PCDHA3: variants seen among roughly 807,000 people sequenced by gnomAD.
The protein encoded by PCDHA3 is protocadherin alpha 3.
Under a neutral mutation model 62.2 loss-of-function variants are expected in PCDHA3, and 41 were observed. The observed-to-expected ratio is 0.66, with a 90% CI of 0.51 to 0.86. PCDHA3 has a LOEUF of 0.86. Ranked by LOEUF, PCDHA3 falls within the 40% of genes least tolerant of loss-of-function variation. The probability of loss-of-function intolerance (pLI) is 0.00; values close to 1 mark genes in which losing one functional copy is unlikely to be tolerated. For missense variants in PCDHA3, 1,304 were observed against 1,241.2 expected, an observed-to-expected ratio of 1.05 and a Z score of -0.76; for synonymous variants, 640 against 555.4, an observed-to-expected ratio of 1.15 and a Z score of -2.14.
intron 1 of PCDHA3, among the ~76,000 whole-genome samples, chr5:140,973,030 C>G (rs1274875201): frequency 1.3e-5 from 2 of 152,014 alleles, no homozygotes; most frequent in African/African-American, 4.8e-5. Context: ...TAATGAGTCA[C>G]TTTGAGTACT....
chr5:140,841,952 T>C (rs1323540473), intron 1 of PCDHA3: 1 of 1,613,914 alleles, frequency 6.2e-7, no homozygotes, highest in African/African-American at 1.3e-5. Flanking sequence ...GCACCACTTA[T>C]TCCTGACAGC....
chr5:140,838,325 T>C (rs1554137025), intron 1 of PCDHA3, among the ~76,000 whole-genome samples: 1 of 149,366 alleles, frequency 6.7e-6, no homozygotes, highest in Non-Finnish European at 1.5e-5. Flanking sequence ...AGTTTCACCA[T>C]GTTGCCCCGG....
chr5:140,997,077 G>T (rs1201538953), intron 3 of PCDHA3, among the ~76,000 whole-genome samples: 3 of 152,062 alleles, frequency 2.0e-5, no homozygotes, highest in Admixed American at 2.0e-4. Flanking sequence ...CAGGAAAGTT[G>T]AGTAGAAAGT....
intron 1 of PCDHA3, chr5:140,842,268 A>C: frequency 6.2e-7 from 1 of 1,610,534 alleles, no homozygotes; most frequent in South Asian, 1.1e-5. Context: ...GAAAACTTAT[A>C]CAAAATCCTC....
chr5:140,907,789 G>A (rs187759241), intron 1 of PCDHA3, among the ~76,000 whole-genome samples: 1 of 152,330 alleles, frequency 6.6e-6, no homozygotes, highest in Non-Finnish European at 1.5e-5. Flanking sequence ...GCTGGGGAAA[G>A]AGGCTAAGTG....
intron 1 of PCDHA3, chr5:140,835,488 A>C (rs2150236741): frequency 2.5e-6 from 4 of 1,613,940 alleles, no homozygotes; most frequent in Non-Finnish European, 3.4e-6. Flanking sequence ...AGGTACCGTC[A>C]TCACATTGAT....
At chr5:140,853,598 C>T (rs889899754) in intron 1 of PCDHA3, 2 of 986,878 alleles carry the variant, frequency 2.0e-6, no homozygotes, top group Non-Finnish European at 2.4e-6. Context: ...ACTTTGAGAG[C>T]AAAGGGGGTG....
intron 1 of PCDHA3, among the ~76,000 whole-genome samples, chr5:140,924,894 C>CAAAA (rs782133089): frequency 2.8e-5 from 2 of 71,514 alleles, no homozygotes; most frequent in Non-Finnish European, 3.2e-5. Flanking sequence ...GAACCTGTCT[C>CAAAA]AAAAAAAAAA....
chr5:140,808,462 G>T, intron 1 of PCDHA3: 1 of 1,614,200 alleles, frequency 6.2e-7, no homozygotes, highest in Non-Finnish European at 8.5e-7. Flanking sequence ...AGCTGGTGGT[G>T]ACCGCGCGAG....
chr5:140,823,856 A>T (rs2150129762), intron 1 of PCDHA3: 3 of 1,613,758 alleles, frequency 1.9e-6, no homozygotes, highest in South Asian at 2.2e-5. Context: ...GCCCTGGTGG[A>T]TGTCAACGTG....
At chr5:140,809,122 C>G in intron 1 of PCDHA3, 1 of 1,613,994 alleles carries the variant, frequency 6.2e-7, no homozygotes, top group South Asian at 1.1e-5. Flanking sequence ...CTCCGCGCCA[C>G]CGCCTACTGG....
At position 140,848,447 on chromosome 5, in the gene PCDHA3, CT is replaced by C; in HGVS notation, c.2394+44857del. On this transcript the variant is annotated intron_variant, in intron 1 of 3. Transcript: ENST00000522353. ...GACTGACGAAATCAGATGATTTCTT[CT>C]AATTTGGAGGCAATTTTCACTAATT... The C allele has an allele frequency of 2.7e-6, 4 of 1,507,352 alleles. 1 individual carries two copies. The highest frequency in any genetic ancestry group is 9.0e-7 in the Non-Finnish European group (1 of 1,107,456). 93.4% of individuals were successfully genotyped at this position (1,507,352 alleles called of 1,614,324 possible).
At position 140,802,523 on chromosome 5, in the gene PCDHA3, C is replaced by T. The variant is rs782486389; in HGVS notation, c.1326C>T (p.Ser442=). 9 of 1,614,050 alleles carry T rather than the reference C, an allele frequency of 5.6e-6. No individual in the cohort carries two copies. The highest frequency in any genetic ancestry group is 5.3e-5 in the African/African-American group (4 of 74,950). The part of the protein sequence containing the change: ...SPSLWATASV[S]VEVADVNDNA... ...CACTGTGGGCCACGGCCAGCGTGTC[C>T]GTGGAGGTGGCCGACGTGAACGACA... Residue 442 remains serine, a synonymous_variant, in exon 1 of 4, where the codon TCC becomes TCT. Transcript: ENST00000522353.
chr5:140,938,245 C>T (rs1008412260), intron 1 of PCDHA3, among the ~76,000 whole-genome samples: 1 of 152,168 alleles, frequency 6.6e-6, no homozygotes, highest in South Asian at 2.1e-4. Context: ...CATGCCTGGT[C>T]TTTTAAAAAC....
intron 1 of PCDHA3, among the ~76,000 whole-genome samples, chr5:140,818,835 TG>T (rs1766447116): frequency 6.6e-6 from 1 of 152,204 alleles, no homozygotes; most frequent in African/African-American, 2.4e-5. Context: ...GTCACCCAGT[TG>T]TATAGAATCA....
chr5:141,003,343 GCT>G (rs1554259027), intron 3 of PCDHA3, among the ~76,000 whole-genome samples: 1 of 152,198 alleles, frequency 6.6e-6, no homozygotes, highest in Non-Finnish European at 1.5e-5. Context: ...TTGTTTGTTT[GCT>G]CTGTCACCCA....
chr5:140,967,049 A>G (rs782123539), intron 1 of PCDHA3: 12 of 1,612,528 alleles, frequency 7.4e-6, no homozygotes, highest in Non-Finnish European at 9.3e-6. Flanking sequence ...GCTGGACCTG[A>G]CGAGTGGAGC....
At position 140,802,755 on chromosome 5, in the gene PCDHA3, CT is replaced by C; in HGVS notation, c.1559del (p.Leu520ArgfsTer9). ...VHAESGKVYA[L>X]QPLDHEELEL... ...CGCGGAGAGCGGCAAGGTGTACGCG[CT>C]GCAGCCGCTGGACCACGAGGAGCTA... is the stretch of plus-strand genomic sequence containing the variant. On this transcript the variant is annotated frameshift_variant, in exon 1 of 4. Transcript: ENST00000522353. LOFTEE classifies it high-confidence loss of function. The C allele has an allele frequency of 6.2e-7, 1 of 1,612,592 alleles. No homozygotes were observed. Among genetic ancestry groups the C allele is most frequent in the Non-Finnish European group, 8.5e-7 (1 of 1,179,814 alleles).
intron 1 of PCDHA3, among the ~76,000 whole-genome samples, chr5:140,965,730 C>T (rs1554227819): frequency 6.6e-6 from 1 of 152,166 alleles, no homozygotes; most frequent in East Asian, 1.9e-4. Flanking sequence ...AAAAATTTTA[C>T]CAGATTTTCC....
Sources: gnomAD v4.1 joint callset for allele counts (sites outside exome capture counted in the v4.1 genomes callset) on GRCh38, gnomAD v4.1.1 for gene constraint, MANE v1.5 for transcripts, NCBI Gene and HGNC (gene_info 2026-07-23, HGNC 2026-07-21) for gene names.